SEC16A: variants seen among roughly 807,000 people sequenced by gnomAD.
The protein encoded by SEC16A is SEC16 homolog A, endoplasmic reticulum export factor.
In SEC16A, 110 loss-of-function variants were observed where a neutral mutation model predicts 221.9. That is an observed-to-expected ratio of 0.50 (90% CI 0.42 to 0.58). The LOEUF (loss-of-function observed/expected upper bound fraction) is 0.58, where lower values mean the gene tolerates loss of function less well. SEC16A is among the 20% of genes least tolerant of loss of function. The pLI is 0.00. For missense variants in SEC16A, 3,165 were observed against 3,097.8 expected, an observed-to-expected ratio of 1.02 and a Z score of -0.52; for synonymous variants, 1,393 against 1,257.7, an observed-to-expected ratio of 1.11 and a Z score of -2.28.
At position 136,476,251 on chromosome 9, in the gene SEC16A, C is replaced by T. The variant is rs755706104; in HGVS notation, c.1365G>A (p.Gln455=). 5 of 1,613,216 alleles carry T rather than the reference C, an allele frequency of 3.1e-6. No individual in the cohort carries two copies. The South Asian group carries it at 3.3e-5, about 11-fold the overall frequency. Residue 455 remains glutamine, a synonymous_variant, in exon 3 of 32, where the codon CAG becomes CAA. Transcript: ENST00000684901. ...ATTCTAAGTTCTCAACATTCTCATACTGCGAGCCGCTGGCATCCGGCACCC... is the reference window on the plus strand; with the variant it reads ...ATTCTAAGTTCTCAACATTCTCATATTGCGAGCCGCTGGCATCCGGCACCC... ...STGVPDASGS[Q]YENVENLEFV...
Position 136,483,010 on chromosome 9 carries a change from C to T in SEC16A, c.-264G>A, listed in dbSNP as rs901093981. The stretch of plus-strand genomic sequence containing the variant: ...CCGACGCTGGCGACGAGCACAGACA[C>T]CTCAGCCGCCGCAGCCATCTTGGCA... On this transcript the variant is annotated 5_prime_UTR_variant, in exon 1 of 32. In the 5' UTR this introduces an upstream ATG that the reference lacks. Transcript: ENST00000684901. 3.0e-6 allele frequency: 3 copies of T among 985,340 alleles called. No homozygotes were observed. Among genetic ancestry groups the T allele is most frequent in the Non-Finnish European group, 3.6e-6 (3 of 829,872 alleles). The allele number at this position is 985,340 out of a possible 1,614,324, so 61.0% of individuals were successfully genotyped here.
Position 136,472,008 on chromosome 9 carries a change from C to G in SEC16A, c.3671G>C (p.Arg1224Pro), listed in dbSNP as rs376239396. The G allele has an allele frequency of 6.1e-5, 98 of 1,611,614 alleles. No individual in the cohort carries two copies. The highest frequency in any genetic ancestry group is 7.9e-5 in the Non-Finnish European group (93 of 1,179,852). Residue 1224 changes from arginine to proline, a missense_variant, in exon 4 of 32, where the codon CGA (arginine) becomes CCA (proline). Transcript: ENST00000684901. ...RYPEPERPSS[R>P]ASHSSERPPP... ...TGGCCGTTCCGAGGAGTGGCTGGCT[C>G]GGGAGCTGGGCCGCTCGGGCTCGGG... is the stretch of plus-strand genomic sequence containing the variant.
chr9:136,451,355 G>A lies in SEC16A; in HGVS notation c.6213C>T (p.Ala2071=), dbSNP rs751272311. ...GAGGTGGCTGCGTGGGACCCGAGTC[G>A]GCACGATCCCACCCTGGGGGGGCCT... is the stretch of plus-strand genomic sequence containing the variant. The part of the protein sequence containing the change: ...DSEAPPGWDR[A]DSGPTQPPLS... The change falls in exon 23 of 32, where the codon GCC becomes GCT. Residue 2071 remains alanine, a synonymous_variant. Transcript: ENST00000684901. 1.1e-5 allele frequency: 18 copies of A among 1,613,504 alleles called. No individual in the cohort carries two copies. The highest frequency in any genetic ancestry group is 6.6e-5 in the South Asian group (6 of 91,060).
intron 12 of SEC16A, 46 bp downstream of exon 12, chr9:136,462,841 C>A (rs1329069091): frequency 1.2e-5 from 19 of 1,586,160 alleles, no homozygotes; most frequent in Non-Finnish European, 1.6e-5. Context: ...CAGGCCCGAC[C>A]CAGTGGACAT....
intron 28 of SEC16A, 28 bp from the exon 29 acceptor site, chr9:136,445,747 A>T: frequency 6.5e-7 from 1 of 1,545,138 alleles, no homozygotes; most frequent in Non-Finnish European, 8.8e-7. Context: ...AATTGCAGCA[A>T]CCAAATCCCA....
At chr9:136,462,695 A>G (rs560669574) in intron 12 of SEC16A, among the ~76,000 whole-genome samples, 192 bp downstream of exon 12, 3 of 152,378 alleles carry the variant, frequency 2.0e-5, no homozygotes, top group African/African-American at 7.2e-5. Flanking sequence ...AAGGAAACCA[A>G]CATTAACACC....
At chr9:136,483,067 C>A (rs563786917), upstream of SEC16A, 16 of 973,294 alleles carry the variant, frequency 1.6e-5, no homozygotes, top group South Asian at 6.2e-4. Context: ...GCCGCCGCGC[C>A]GCCGACGTGT....
Position 136,477,644 on chromosome 9 carries a change from C to T in SEC16A, c.-29G>A, listed in dbSNP as rs552574659. The T allele has an allele frequency of 5.7e-6, 9 of 1,567,874 alleles. No individual in the cohort carries two copies. The African/African-American group carries it at 1.1e-4, about 19-fold the overall frequency. On this transcript the variant is annotated 5_prime_UTR_variant, in exon 3 of 32. Transcript: ENST00000684901. Reference sequence around the variant, plus strand: ...TGAACCCTTGCACAAGTCGATGCTGCTTACAGAAGGAAGCAGGATATAGCT... The same window carrying T: ...TGAACCCTTGCACAAGTCGATGCTGTTTACAGAAGGAAGCAGGATATAGCT...
chr9:136,484,667 C>T, upstream of SEC16A: 1 of 1,366,172 alleles, frequency 7.3e-7, no homozygotes, highest in Non-Finnish European at 9.8e-7. Flanking sequence ...GGGTGATATC[C>T]GTGCCACGCC....
Position 136,474,441 on chromosome 9 carries a change from G to A in SEC16A, c.3175C>T (p.Gln1059Ter), listed in dbSNP as rs751785608. 6.2e-7 allele frequency: 1 copy of A among 1,613,014 alleles called. No individual in the cohort carries two copies. Among genetic ancestry groups the A allele is most frequent in the African/African-American group, 1.3e-5 (1 of 74,940 alleles). The change falls in exon 3 of 32, where the codon CAG becomes TAG. Residue 1059 changes from glutamine (Q) to a stop codon, truncating the protein, a stop_gained. Coordinates refer to ENST00000684901, the MANE Select transcript of SEC16A (RefSeq NM_014866.2). LOFTEE classifies it high-confidence loss of function. The part of the protein sequence containing the change: ...QGQPGLERAQ[Q>*]ELVPPQQQAS... ...TGTTGCTGGGGTGGCACCAGCTCCT[G>A]CTGGGCTCTTTCGAGGCCAGGCTGG... is the stretch of plus-strand genomic sequence containing the variant.
chr9:136,441,721 A>G lies in SEC16A; in HGVS notation c.*34T>C. ...GTTCTTCGGGGAGAACAGCAGCGTC[A>G]GGGCTCCAAGTGCAAGTTCACAGCA... On this transcript the variant is annotated 3_prime_UTR_variant, in exon 32 of 32. Transcript: ENST00000684901. 1 of 1,602,700 alleles carries G rather than the reference A, an allele frequency of 6.2e-7. No individual in the cohort carries two copies. The highest frequency in any genetic ancestry group is 1.7e-5 in the Admixed American group (1 of 60,004).
intron 30 of SEC16A, 25 bp downstream of exon 30, chr9:136,445,027 A>C: frequency 6.3e-7 from 1 of 1,594,656 alleles, no homozygotes; most frequent in Non-Finnish European, 8.5e-7. Flanking sequence ...CTCTCATGTT[A>C]GTGAGGACCA....
chr9:136,465,839 G>T, intron 8 of SEC16A, 123 bp downstream of exon 8: 1 of 1,007,304 alleles, frequency 9.9e-7, no homozygotes, highest in Non-Finnish European at 1.4e-6. Flanking sequence ...GGACGGATTG[G>T]GTCAGAGCCA....
intron 23 of SEC16A, chr9:136,448,415 T>G (rs1443784412): frequency 1.4e-5 from 9 of 630,156 alleles, no homozygotes; most frequent in Admixed American, 4.9e-5. Flanking sequence ...AGGATGGAGG[T>G]GGGGGGCGAT....
At position 136,445,630 on chromosome 9, in the gene SEC16A, G is replaced by T; in HGVS notation, c.6867+15C>A. The T allele has an allele frequency of 6.5e-7, 1 of 1,546,286 alleles. No individual in the cohort carries two copies. The highest frequency in any genetic ancestry group is 8.7e-7 in the Non-Finnish European group (1 of 1,144,288). On this transcript the variant is annotated intron_variant, in intron 29 of 31. Transcript: ENST00000684901. ...GGCCTGGGCTGCGGGGGGCCCTGGC[G>T]TCGGCACTCCTTACCTCTCCTCCCT... is the stretch of plus-strand genomic sequence containing the variant.
intron 23 of SEC16A, 76 bp from the exon 24 acceptor site, chr9:136,448,237 C>A: frequency 8.0e-7 from 1 of 1,244,284 alleles, no homozygotes; most frequent in Admixed American, 1.9e-5. Context: ...AAGACAAATT[C>A]TACATGACCC....
chr9:136,469,117 TG>T (rs990634682), intron 4 of SEC16A, among the ~76,000 whole-genome samples: 24 of 152,180 alleles, frequency 1.6e-4, no homozygotes, highest in Non-Finnish European at 1.9e-4. Context: ...CCTAAAGTGC[TG>T]GGATTGCAGG....
In SEC16A at chr9:136,450,648, C is replaced by T. The variant is rs539268555; in HGVS notation, c.6312+608G>A. Among the ~76,000 whole-genome samples the T allele has an allele frequency of 3.0e-4, 45 of 152,190 alleles. 1 individual carries two copies. The highest frequency in any genetic ancestry group is 1.0e-3 in the African/African-American group (42 of 41,526). On this transcript the variant is annotated intron_variant, in intron 23 of 31. Transcript: ENST00000684901. The stretch of plus-strand genomic sequence containing the variant: ...CAGCACAATGGCTAAGTTAAAGAAC[C>T]GGCACTGCCCAGTATTGGTGAAGAT...
In SEC16A at chr9:136,451,363, C is replaced by T. The variant is rs368640368; in HGVS notation, c.6205G>A (p.Asp2069Asn). 2 of 1,613,240 alleles carry T rather than the reference C, an allele frequency of 1.2e-6. No individual in the cohort carries two copies. Among genetic ancestry groups the T allele is most frequent in the East Asian group, 2.2e-5 (1 of 44,874 alleles). ...VPDSEAPPGW[D>N]RADSGPTQPP... ...TGCGTGGGACCCGAGTCGGCACGATCCCACCCTGGGGGGGCCTCCGAGTCT... is the reference window on the plus strand; with the variant it reads ...TGCGTGGGACCCGAGTCGGCACGATTCCACCCTGGGGGGGCCTCCGAGTCT... The change falls in exon 23 of 32, where the codon GAT becomes AAT. Residue 2069 changes from aspartate (D) to asparagine (N), a missense_variant. By Grantham distance (23) the Asp-to-Asn change is conservative (BLOSUM62 1). Around this residue, in one of 3 missense-constraint regions of SEC16A, gnomAD observed 1,088 missense variants for 1,089.6 expected, o/e 1.00. Coordinates refer to ENST00000684901, the MANE Select transcript of SEC16A (RefSeq NM_014866.2).
Sources: gnomAD v4.1 joint callset for allele counts (sites outside exome capture counted in the v4.1 genomes callset) on GRCh38, gnomAD v4.1.1 for gene constraint, gnomAD v4.1.1 regional missense constraint, MANE v1.5 for transcripts, NCBI Gene and HGNC (gene_info 2026-07-23, HGNC 2026-07-21) for gene names.